Variants in DBNDD2 observed in about 807,000 individuals in gnomAD.
The protein encoded by DBNDD2 is dysbindin domain containing 2.
In DBNDD2, 8 loss-of-function variants were observed where a neutral mutation model predicts 14.0. The ratio of observed to expected loss-of-function variants is 0.57; its 90% CI spans 0.33 to 1.03. DBNDD2 has a LOEUF of 1.03. DBNDD2 is among the 50% of genes least tolerant of loss of function. The pLI is 0.03. For synonymous variants in DBNDD2, 94 were observed against 85.3 expected (o/e 1.10, Z -0.56); for missense variants, 194 against 206.0 (o/e 0.94, Z 0.36).
upstream of DBNDD2, chr20:45,406,510 C>T (rs569799094): frequency 7.4e-5 from 113 of 1,524,322 alleles, no homozygotes; most frequent in African/African-American, 1.6e-3. Flanking sequence ...CTCGCAGGGG[C>T]TGCCTCCGAC....
chr20:45,408,104 C>G (rs866210020), upstream of DBNDD2: 22 of 1,487,216 alleles, frequency 1.5e-5, no homozygotes, highest in Middle Eastern at 8.8e-4. Context: ...AAGGGGAAAA[C>G]GTACCTCCTC....
At chr20:45,409,745 T>TGTA (rs1259737241) in intron 2 of DBNDD2, among the ~76,000 whole-genome samples, 187 bp from the exon 3 acceptor site, 3 of 152,210 alleles carry the variant, frequency 2.0e-5, no homozygotes, top group Non-Finnish European at 1.5e-5. Flanking sequence ...CCAGACATGG[T>TGTA]GTAATGACGT....
Position 45,409,961 on chromosome 20 carries a change from C to T in DBNDD2, c.307C>T (p.Leu103=). 1 of 1,551,778 alleles carries T rather than the reference C, an allele frequency of 6.4e-7. No individual in the cohort carries two copies. Among genetic ancestry groups the T allele is most frequent in the South Asian group, 1.2e-5 (1 of 84,068 alleles). ...GMDNHLEELS[L]PVPTSDRTTS... ...GGACAACCATTTGGAGGAGCTGAGC[C>T]TGCCGGTGCCTACATCAGACAGGAC... Residue 103 remains leucine (L), a synonymous_variant, in exon 3 of 3, where the codon CTG becomes TTG. Coordinates refer to ENST00000372710, the MANE Select transcript of DBNDD2 (RefSeq NM_001048225.4).
At chr20:45,407,715 C>G, upstream of DBNDD2, 1 of 995,416 alleles carries the variant, frequency 1.0e-6, no homozygotes, top group Non-Finnish European at 1.2e-6. Flanking sequence ...TGTTGGAGTT[C>G]AAAGGAAAGA....
chr20:45,406,278 C>G (rs1238619042), upstream of DBNDD2: 8 of 583,136 alleles, frequency 1.4e-5, no homozygotes, highest in East Asian at 2.4e-4. Flanking sequence ...TGCGTGGGCG[C>G]TGCCCAAAAG....
At chr20:45,407,547 T>G (rs1255571510), upstream of DBNDD2, 3 of 986,210 alleles carry the variant, frequency 3.0e-6, no homozygotes, top group East Asian at 3.4e-4. Context: ...GGCTGGCCCA[T>G]AGCCTCAGTG....
upstream of DBNDD2, chr20:45,406,713 A>G: frequency 1.5e-6 from 2 of 1,297,490 alleles, no homozygotes; most frequent in East Asian, 3.2e-5. Flanking sequence ...ACTGAGTCAG[A>G]GGGGGCGCCA....
rs887625208 is a variant in DBNDD2, at chr20:45,408,573, C to T, written c.106C>T (p.Pro36Ser). 3 of 1,614,194 alleles carry T rather than the reference C, an allele frequency of 1.9e-6. No individual in the cohort carries two copies. Among genetic ancestry groups the T allele is most frequent in the Non-Finnish European group, 2.5e-6 (3 of 1,180,002 alleles). ...ACAGCCAGAGACAGAGTTTGTCTTT[C>T]CTCTGTCCCATCTGCATCTCGAGTC... ...ILQPETEFVFPLSHLHLESQR... is the reference protein window; with the variant it reads ...ILQPETEFVFSLSHLHLESQR... Residue 36 changes from proline to serine, a missense_variant, in exon 1 of 3, where the codon CCT becomes TCT. Physicochemically the swap from Pro to Ser is moderately conservative, Grantham distance 74. Transcript: ENST00000372710.
At chr20:45,406,172 CTCTT>C (rs1235030549), upstream of DBNDD2, 3 of 429,492 alleles carry the variant, frequency 7.0e-6, no homozygotes, top group African/African-American at 4.2e-5. Context: ...TCCCAACTCT[CTCTT>C]TCCCATCGTG....
At chr20:45,406,835 C>T (rs1989438502), upstream of DBNDD2, 1 of 1,208,860 alleles carries the variant, frequency 8.3e-7, no homozygotes. Flanking sequence ...CCCCGTCCTC[C>T]GCCGACGCCT....
At chr20:45,407,038 G>C (rs901133019), upstream of DBNDD2, among the ~76,000 whole-genome samples, 1 of 152,248 alleles carries the variant, frequency 6.6e-6, no homozygotes, top group East Asian at 1.9e-4. Context: ...TGGGCTCCGC[G>C]GCCCCCCGGG....
At chr20:45,407,400 T>A (rs1161213806), upstream of DBNDD2, 1 of 985,868 alleles carries the variant, frequency 1.0e-6, no homozygotes, top group African/African-American at 1.7e-5. Flanking sequence ...ATACGCTGGG[T>A]GCAGATGAGG....
upstream of DBNDD2, chr20:45,407,264 C>T: frequency 3.1e-6 from 3 of 967,790 alleles, no homozygotes; most frequent in Non-Finnish European, 3.7e-6. Flanking sequence ...GGCGTCAGCG[C>T]CTCGCTCCTC....
chr20:45,408,201 GTATC>G, upstream of DBNDD2: 1 of 1,551,146 alleles, frequency 6.4e-7, no homozygotes, highest in Non-Finnish European at 8.7e-7. Context: ...TGAATACAGA[GTATC>G]TCTCTTGTGG....
At chr20:45,409,034 CAAGT>C (rs888798985) in intron 2 of DBNDD2, 96 bp downstream of exon 2, 2 of 1,612,134 alleles carry the variant, frequency 1.2e-6, no homozygotes, top group African/African-American at 2.7e-5. Context: ...GGGAAGTACA[CAAGT>C]AAGGGCTGGA....
In DBNDD2 at chr20:45,410,544, G is replaced by A; in HGVS notation, c.*404G>A. On this transcript the variant is annotated 3_prime_UTR_variant, in exon 3 of 3. Transcript: ENST00000372710. ...AGTAAGGTGGTACTCAAGCCATGCT[G>A]CCTCCTTACATCCTTTTTGGAACAG... 5.0e-6 allele frequency: 1 copy of A among 199,790 alleles called. No homozygotes were observed. Among genetic ancestry groups the A allele is most frequent in the South Asian group, 1.1e-4 (1 of 9,308 alleles). 12.4% of individuals were successfully genotyped at this position (199,790 alleles called of 1,614,324 possible). A position where few individuals can be genotyped will look rare whatever the true frequency, so the allele number is the denominator to read the frequency against.
chr20:45,409,524 C>A (rs1292341387), intron 2 of DBNDD2, among the ~76,000 whole-genome samples: 5 of 152,330 alleles, frequency 3.3e-5, no homozygotes, highest in Non-Finnish European at 7.4e-5. Context: ...AAAACTGCTA[C>A]TATTTATTGA....
In DBNDD2 at chr20:45,408,437, T is replaced by G. The variant is rs1989613339; in HGVS notation, c.-31T>G. 1 of 1,614,260 alleles carries G rather than the reference T, an allele frequency of 6.2e-7. No individual in the cohort carries two copies. Among genetic ancestry groups the G allele is most frequent in the Non-Finnish European group, 8.5e-7 (1 of 1,180,046 alleles). Reference sequence around the variant, plus strand: ...TTCTCTTTCGACTTTGCAGCTGTACTTGTTTTGCTCCTCTACCCGCAGGAG... The same window carrying G: ...TTCTCTTTCGACTTTGCAGCTGTACGTGTTTTGCTCCTCTACCCGCAGGAG... On this transcript the variant is annotated 5_prime_UTR_variant, in exon 1 of 3. Coordinates refer to ENST00000372710, the MANE Select transcript of DBNDD2 (RefSeq NM_001048225.4).
rs747705850 is a variant in DBNDD2 at position 45,408,912 on chromosome 20, A to G, written c.251A>G (p.Asp84Gly). 1 of 1,614,056 alleles carries G rather than the reference A, an allele frequency of 6.2e-7. No individual in the cohort carries two copies. Among genetic ancestry groups the G allele is most frequent in the South Asian group, 1.1e-5 (1 of 91,076 alleles). Residue 84 changes from aspartate to glycine, a missense_variant, in exon 2 of 3, where the codon GAT becomes GGT. Asp to Gly is a moderately conservative substitution (Grantham distance 94). Coordinates refer to ENST00000372710, the MANE Select transcript of DBNDD2 (RefSeq NM_001048225.4). ...DAADVFLPCE[D>G]PPPTPQSSGM... ...GCAGATGTGTTCTTGCCTTGCGAAG[A>G]TCCTCCACCAACCCCCCAGTCGTCT...
Sources: gnomAD v4.1 joint callset for allele counts (sites outside exome capture counted in the v4.1 genomes callset) on GRCh38, gnomAD v4.1.1 for gene constraint, MANE v1.5 for transcripts, NCBI Gene and HGNC (gene_info 2026-07-23, HGNC 2026-07-21) for gene names.